TSBP1: variants seen among roughly 807,000 people sequenced by gnomAD.
The protein encoded by TSBP1 is testis-expressed basic protein 1.
In TSBP1, 56 loss-of-function variants were observed where a neutral mutation model predicts 68.8. The observed-to-expected ratio is 0.81, with a 90% CI of 0.66 to 1.02. The LOEUF is 1.02. TSBP1 is among the 50% of genes least tolerant of loss of function. The pLI, the probability that TSBP1 is intolerant of heterozygous loss-of-function variation, is 0.00. For synonymous variants in TSBP1, 171 were observed against 208.7 expected, an observed-to-expected ratio of 0.82 and a Z score of 1.56; for missense variants, 502 against 641.2, an observed-to-expected ratio of 0.78 and a Z score of 2.34.
chr6:32,319,463 T>G (rs1244834093), intron 18 of TSBP1, among the ~76,000 whole-genome samples: 2 of 152,212 alleles, frequency 1.3e-5, no homozygotes, highest in African/African-American at 4.8e-5. Context: ...ATCATTTCCC[T>G]GTTCAAGCCC....
chr6:32,369,473 C>A (rs1325685087), intron 2 of TSBP1, among the ~76,000 whole-genome samples: 1 of 149,304 alleles, frequency 6.7e-6, no homozygotes, highest in Non-Finnish European at 1.5e-5. Flanking sequence ...TGGGTTCAAA[C>A]AATTCTCCTG....
At chr6:32,356,128 C>A (rs62404805) in intron 6 of TSBP1, among the ~76,000 whole-genome samples, 4,103 of 152,110 alleles carry the variant, frequency 0.027, 64 homozygotes, top group South Asian at 0.041. Flanking sequence ...GATCTGGAGA[C>A]AAAGCAAATT....
intron 4 of TSBP1, 176 bp from the exon 5 acceptor site, chr6:32,366,478 A>G: frequency 1.4e-6 from 1 of 740,150 alleles, no homozygotes; most frequent in Non-Finnish European, 2.3e-6. Flanking sequence ...AAATAAGTTT[A>G]TCGGGCCGGG....
chr6:32,329,515 A>T (rs1478906782), intron 16 of TSBP1, among the ~76,000 whole-genome samples: 1 of 152,240 alleles, frequency 6.6e-6, no homozygotes, highest in Non-Finnish European at 1.5e-5. Flanking sequence ...AGTTAGAACC[A>T]GAATTCAGGG....
Position 32,343,494 on chromosome 6 carries a change from T to G in TSBP1, c.350-3856A>C, listed in dbSNP as rs577940238. 5.3e-5 allele frequency among the ~76,000 whole-genome samples: 8 copies of G among 152,240 alleles called. No homozygotes were observed. The highest frequency in any genetic ancestry group is 3.9e-4 in the Admixed American group (6 of 15,280). On this transcript the variant is annotated intron_variant, in intron 9 of 22. Coordinates refer to ENST00000612031, the Ensembl canonical transcript of TSBP1. This position sits in a 1 kb window ranked among gnomAD's most constrained non-coding sequence, Gnocchi z 4.3. ...CAGCTTTACTATATTTCCAATATTC[T>G]GATTTCATTCACCACCTTTCTCCTG...
intron 18 of TSBP1, among the ~76,000 whole-genome samples, chr6:32,317,992 A>G (rs1767158501): frequency 6.6e-6 from 1 of 152,246 alleles, no homozygotes; most frequent in Non-Finnish European, 1.5e-5. Flanking sequence ...TCTATCATAA[A>G]GAAACACACG....
intron 19 of TSBP1, among the ~76,000 whole-genome samples, chr6:32,309,813 C>G (rs941624678): frequency 6.6e-6 from 1 of 152,114 alleles, no homozygotes; most frequent in Non-Finnish European, 1.5e-5. Context: ...ACTATAGTCA[C>G]CCTGTTGTGC....
At chr6:32,360,918 T>G (rs1169102494) in intron 6 of TSBP1, among the ~76,000 whole-genome samples, 1 of 151,886 alleles carries the variant, frequency 6.6e-6, no homozygotes, top group Non-Finnish European at 1.5e-5. Context: ...CTAGGGTACA[T>G]GTGCACAATG....
In TSBP1 at chr6:32,355,671, T is replaced by C. The variant is rs754965030; in HGVS notation, c.218-2A>G. ...TACTGTAATCTCTTTTGGATCTCTC[T>C]GAAAACATAAACAAAAGAAAGAAAA... On this transcript the variant is annotated splice_acceptor_variant, in intron 6 of 22. Coordinates refer to ENST00000612031, the Ensembl canonical transcript of TSBP1. LOFTEE classifies it high-confidence loss of function. The C allele has an allele frequency of 6.3e-7, 1 of 1,588,308 alleles. No homozygotes were observed. The highest frequency in any genetic ancestry group is 8.5e-7 in the Non-Finnish European group (1 of 1,169,990).
chr6:32,319,138 G>T (rs756521994), intron 18 of TSBP1, among the ~76,000 whole-genome samples: 17 of 151,934 alleles, frequency 1.1e-4, no homozygotes, highest in African/African-American at 3.1e-4. Context: ...GCTCTTCTCC[G>T]CTACCTAAAT....
Position 32,365,670 on chromosome 6 carries a change from T to C in TSBP1, c.217+497A>G. 1 of 453,012 alleles carries C rather than the reference T, an allele frequency of 2.2e-6. No individual in the cohort carries two copies. The highest frequency in any genetic ancestry group is 2.0e-5 in the African/African-American group (1 of 50,108). 28.1% of individuals were successfully genotyped at this position (453,012 alleles called of 1,614,324 possible). A position where few individuals can be genotyped will look rare whatever the true frequency, so the allele number is the denominator to read the frequency against. On this transcript the variant is annotated intron_variant, in intron 6 of 22. Coordinates refer to ENST00000612031, the Ensembl canonical transcript of TSBP1. The surrounding 1 kb of genome is among the most constrained non-coding windows in gnomAD (Gnocchi z 4.3). ...CTGCACATTTTTTCTGTGGGAGAAATTGTGGGCCAAGTGGGTCTGTCTCAG... is the reference window on the plus strand; with the variant it reads ...CTGCACATTTTTTCTGTGGGAGAAACTGTGGGCCAAGTGGGTCTGTCTCAG...
At chr6:32,369,011 T>A (rs1774084345) in intron 2 of TSBP1, among the ~76,000 whole-genome samples, 197 bp from the exon 3 acceptor site, 1 of 152,170 alleles carries the variant, frequency 6.6e-6, no homozygotes, top group Non-Finnish European at 1.5e-5. Context: ...TACTTATGCT[T>A]TGAGGGCTCA....
chr6:32,326,857 A>C (rs1436408170), intron 16 of TSBP1, among the ~76,000 whole-genome samples: 1 of 151,948 alleles, frequency 6.6e-6, no homozygotes, highest in Non-Finnish European at 1.5e-5. Context: ...CCTTCTGCTT[A>C]GTATAGGAGG....
In TSBP1 at chr6:32,326,213, G is replaced by A. The variant is rs1416693250; in HGVS notation, c.515-2599C>T. 2.3e-6 allele frequency: 3 copies of A among 1,288,196 alleles called. No individual in the cohort carries two copies. In the African/African-American group the frequency reaches 4.2e-5, roughly 18 times the overall value. 79.8% of individuals were successfully genotyped at this position (1,288,196 alleles called of 1,614,324 possible). ...AAAGCTTAGCAGGAGAGGAGAGCCA[G>A]AGAAGTGACAGGGAAGCTACAGGTT... On this transcript the variant is annotated intron_variant, in intron 16 of 22. Coordinates refer to ENST00000612031, the Ensembl canonical transcript of TSBP1.
intron 16 of TSBP1, among the ~76,000 whole-genome samples, 169 bp downstream of exon 17, chr6:32,330,420 C>A (rs1046375105): frequency 6.6e-6 from 1 of 151,856 alleles, no homozygotes; most frequent in South Asian, 2.1e-4. Flanking sequence ...AAAAAAATAG[C>A]CCTGGAGAAT....
At chr6:32,349,027 G>A (rs3117120) in intron 9 of TSBP1, among the ~76,000 whole-genome samples, 1 of 151,852 alleles carries the variant, frequency 6.6e-6, no homozygotes, top group East Asian at 1.9e-4. Context: ...GAAGGAAAAG[G>A]AGGTGAGGGA....
intron 8 of TSBP1, among the ~76,000 whole-genome samples, chr6:32,353,344 C>T (rs990822568): frequency 2.0e-5 from 3 of 151,624 alleles, no homozygotes; most frequent in South Asian, 2.1e-4. Context: ...TATTCACATC[C>T]GAAACAAAAA....
At chr6:32,348,479 TAA>T (rs1554203877) in intron 9 of TSBP1, among the ~76,000 whole-genome samples, 64 of 130,524 alleles carry the variant, frequency 4.9e-4, no homozygotes, top group East Asian at 9.3e-4. Context: ...TATTTTATAT[TAA>T]TTTACATTTT....
chr6:32,352,486 A>C (rs886826222), intron 8 of TSBP1, among the ~76,000 whole-genome samples: 2 of 151,962 alleles, frequency 1.3e-5, no homozygotes, highest in Admixed American at 6.6e-5. Flanking sequence ...GAAGGTAGAA[A>C]AGAAGATTTA....
Sources: allele counts gnomAD v4.1 joint callset (sites outside exome capture counted in the v4.1 genomes callset), GRCh38; gene constraint gnomAD v4.1.1; non-coding constraint Gnocchi (gnomAD v3.1); transcripts MANE v1.5; gene names NCBI Gene and HGNC (gene_info 2026-07-23, HGNC 2026-07-21).